SEMA3A: variants seen among roughly 807,000 people sequenced by gnomAD.
The protein encoded by SEMA3A is semaphorin 3A, also known as semaphorin-3A.
SEMA3A carries 29 observed loss-of-function variants against 97.9 expected under a neutral mutation model. The ratio of observed to expected loss-of-function variants is 0.30; its 90% CI spans 0.22 to 0.40. SEMA3A has a LOEUF of 0.40. Ranked by LOEUF, SEMA3A falls within the 10% of genes least tolerant of loss-of-function variation. The probability of loss-of-function intolerance (pLI) is 1.00; values close to 1 mark genes in which losing one functional copy is unlikely to be tolerated. For synonymous variants in SEMA3A, 321 were observed against 323.7 expected, an observed-to-expected ratio of 0.99 and a Z score of 0.09; for missense variants, 763 against 951.3, an observed-to-expected ratio of 0.80 and a Z score of 2.60.
rs148075546 is a variant in SEMA3A at position 84,350,416 on chromosome 7, A to G, written c.-169+21408T>C. On this transcript the variant is annotated intron_variant, in intron 2 of 3. Coordinates refer to the SEMA3A transcript ENST00000424555. ...AACATAGTATATTTATAATATTTCTAATTGAATAAAAGTTTTATATGTTTA... is the reference window on the plus strand; with the variant it reads ...AACATAGTATATTTATAATATTTCTGATTGAATAAAAGTTTTATATGTTTA... 5.6e-3 allele frequency among the ~76,000 whole-genome samples: 851 copies of G among 152,266 alleles called. 8 individuals are homozygous for G. The highest frequency in any genetic ancestry group is 0.019 in the African/African-American group (809 of 41,554).
intron 5 of SEMA3A, among the ~76,000 whole-genome samples, chr7:84,054,867 C>T (rs371044659): frequency 8.0e-4 from 118 of 147,096 alleles, no homozygotes; most frequent in South Asian, 2.2e-3. Context: ...GATGGTGATG[C>T]ACAGATGGGT....
At chr7:84,435,592 G>C (rs1805106753) in intron 1 of SEMA3A, among the ~76,000 whole-genome samples, 1 of 152,120 alleles carries the variant, frequency 6.6e-6, no homozygotes, top group Non-Finnish European at 1.5e-5. Flanking sequence ...TGGCGACAGA[G>C]AGAAATTCTG....
At chr7:84,359,527 TG>T (rs1802656572) in intron 2 of SEMA3A, among the ~76,000 whole-genome samples, 2 of 152,210 alleles carry the variant, frequency 1.3e-5, no homozygotes, top group Admixed American at 1.3e-4. Context: ...GATGTGCTGC[TG>T]GATTCGGTTT....
chr7:84,290,408 T>C (rs1452898682), intron 3 of SEMA3A, among the ~76,000 whole-genome samples: 4 of 151,876 alleles, frequency 2.6e-5, no homozygotes, highest in Non-Finnish European at 5.9e-5. Flanking sequence ...TTATACTCTT[T>C]TCATTTTTAG....
chr7:84,094,418 C>T (rs1794691075), intron 4 of SEMA3A, among the ~76,000 whole-genome samples: 1 of 151,224 alleles, frequency 6.6e-6, no homozygotes, highest in South Asian at 2.1e-4. Context: ...CAATAGCGTT[C>T]TTTTTATGTT....
At chr7:84,183,496 TTC>T (rs1270106100) in intron 1 of SEMA3A, among the ~76,000 whole-genome samples, 7 of 151,864 alleles carry the variant, frequency 4.6e-5, no homozygotes, top group African/African-American at 1.7e-4. Context: ...AAAAAATACT[TTC>T]TGACACCTGT....
intron 1 of SEMA3A, among the ~76,000 whole-genome samples, chr7:84,448,850 T>C (rs1805489893): frequency 6.6e-6 from 1 of 151,932 alleles, no homozygotes; most frequent in Non-Finnish European, 1.5e-5. Context: ...CAAAACAATC[T>C]TGAAGAAGAA....
intron 6 of SEMA3A, among the ~76,000 whole-genome samples, chr7:84,030,613 A>T (rs553392452): frequency 6.6e-6 from 1 of 152,234 alleles, no homozygotes; most frequent in African/African-American, 2.4e-5. Flanking sequence ...GTTATGTTTA[A>T]AATAAGGAGT....
chr7:84,204,994 A>G (rs558641730), intron 3 of SEMA3A, among the ~76,000 whole-genome samples: 1 of 152,324 alleles, frequency 6.6e-6, no homozygotes, highest in Non-Finnish European at 1.5e-5. Flanking sequence ...TCAAGCCTTA[A>G]ATTATTAGAA....
intron 2 of SEMA3A, among the ~76,000 whole-genome samples, chr7:84,362,454 T>C (rs1203424943): frequency 2.6e-5 from 4 of 152,014 alleles, no homozygotes; most frequent in African/African-American, 4.8e-5. Context: ...TGGAAACTTG[T>C]TCTAAAAACA....
rs556843708 is a variant in SEMA3A at position 84,230,327 on chromosome 7, G to T, written c.-82-35659C>A. On this transcript the variant is annotated intron_variant, in intron 3 of 3. Transcript: ENST00000424555. Reference sequence around the variant, plus strand: ...TCATTATCATGACTTCAACTATGGCGTATATTCTGATATTTTTTAAATCAA... The same window carrying T: ...TCATTATCATGACTTCAACTATGGCTTATATTCTGATATTTTTTAAATCAA... Among the ~76,000 whole-genome samples, 3 of 151,868 alleles carry T rather than the reference G, an allele frequency of 2.0e-5. No individual in the cohort carries two copies. In the East Asian group the frequency reaches 5.8e-4, roughly 29 times the overall value.
intron 1 of SEMA3A, among the ~76,000 whole-genome samples, chr7:84,404,474 G>A (rs1482199682): frequency 3.9e-5 from 6 of 152,138 alleles, no homozygotes; most frequent in Admixed American, 3.3e-4. Flanking sequence ...CACTCTGCAG[G>A]ATATTATCCA....
chr7:84,258,456 T>A lies in SEMA3A; in HGVS notation c.-83+48751A>T, dbSNP rs1175637193. Among the ~76,000 whole-genome samples, 3 of 152,158 alleles carry A rather than the reference T, an allele frequency of 2.0e-5. No individual in the cohort carries two copies. In the East Asian group the frequency reaches 5.8e-4, roughly 29 times the overall value. On this transcript the variant is annotated intron_variant, in intron 3 of 3. Coordinates refer to the SEMA3A transcript ENST00000424555. ...GTGACATAGTAATCCAAAGAAAGAT[T>A]TATATGCTGTATTTTGAGAAGATAA... is the stretch of plus-strand genomic sequence containing the variant.
At chr7:84,053,541 CT>C (rs1792786811) in intron 5 of SEMA3A, among the ~76,000 whole-genome samples, 1 of 101,314 alleles carries the variant, frequency 9.9e-6, no homozygotes, top group African/African-American at 3.5e-5. Flanking sequence ...CAACCCCTGC[CT>C]TTTTTTGTTT....
chr7:84,236,759 T>G (rs1200686504), intron 3 of SEMA3A, among the ~76,000 whole-genome samples: 1 of 152,160 alleles, frequency 6.6e-6, no homozygotes, highest in Non-Finnish European at 1.5e-5. Flanking sequence ...TCAAAACCAA[T>G]TCAAGTGTGT....
chr7:84,421,289 A>C (rs943459776), intron 1 of SEMA3A, among the ~76,000 whole-genome samples: 1 of 152,066 alleles, frequency 6.6e-6, no homozygotes, highest in African/African-American at 2.4e-5. Context: ...GTATCCTTCA[A>C]CAAATCAAGG....
At chr7:84,409,899 T>C (rs1378435488) in intron 1 of SEMA3A, among the ~76,000 whole-genome samples, 1 of 152,114 alleles carries the variant, frequency 6.6e-6, no homozygotes, top group Non-Finnish European at 1.5e-5. Context: ...GTTTCTCCTA[T>C]TGTGAGGTAT....
intron 11 of SEMA3A, among the ~76,000 whole-genome samples, chr7:84,004,425 GAATTTT>G (rs1790582947): frequency 6.6e-6 from 1 of 151,892 alleles, no homozygotes; most frequent in South Asian, 2.1e-4. Context: ...TTTTTCTAAT[GAATTTT>G]TTTTCTTTTC....
At chr7:84,416,205 G>A (rs1003159849) in intron 1 of SEMA3A, among the ~76,000 whole-genome samples, 2 of 152,060 alleles carry the variant, frequency 1.3e-5, no homozygotes, top group African/African-American at 2.4e-5. Context: ...TGAATCATGG[G>A]AGCCAGTCTT....
Sources: gnomAD v4.1 joint callset for allele counts (sites outside exome capture counted in the v4.1 genomes callset) on GRCh38, gnomAD v4.1.1 for gene constraint, MANE v1.5 for transcripts, NCBI Gene and HGNC (gene_info 2026-07-23, HGNC 2026-07-21) for gene names.